The following KIAA1217 variants were observed in gnomAD, a reference collection of about 807,000 sequenced individuals.
KIAA1217 encodes sickle tail protein homolog.
In KIAA1217, 88 loss-of-function variants were observed where a neutral mutation model predicts 163.9. The observed-to-expected ratio is 0.54, with a 90% confidence interval of 0.45 to 0.64. The LOEUF is 0.64. Ranked by LOEUF, KIAA1217 falls within the 30% of genes least tolerant of loss-of-function variation. The pLI, the probability that KIAA1217 is intolerant of heterozygous loss-of-function variation, is 0.00. For missense variants in KIAA1217, 2,372 were observed against 2,475.0 expected (o/e 0.96, Z 0.88); for synonymous variants, 903 against 923.1 (o/e 0.98, Z 0.39).
intron 1 of KIAA1217, among the ~76,000 whole-genome samples, chr10:23,706,927 G>A (rs923019716): frequency 1.3e-5 from 2 of 152,160 alleles, no homozygotes; most frequent in African/African-American, 4.8e-5. Flanking sequence ...ATTCTTGGCT[G>A]CCACATGGAC....
rs571864593 is a variant in KIAA1217 at position 24,218,735 on chromosome 10, C to T, written c.71-891C>T. On this transcript the variant is annotated intron_variant, in intron 1 of 20. Coordinates refer to ENST00000376454, the MANE Select transcript of KIAA1217 (RefSeq NM_019590.5). ...CGATCTCCTGACCTCGTGATTCACC[C>T]GCCTCGGCCTCCCAAAGTGCTGGGA... Among the ~76,000 whole-genome samples, 10 of 152,188 alleles carry T rather than the reference C, an allele frequency of 6.6e-5. No homozygotes were observed. In the South Asian group the frequency reaches 1.2e-3, roughly 19 times the overall value.
At chr10:24,175,992 G>A (rs528464710) in intron 2 of KIAA1217, among the ~76,000 whole-genome samples, 2 of 152,264 alleles carry the variant, frequency 1.3e-5, no homozygotes, top group African/African-American at 2.4e-5. Flanking sequence ...CCACACTGTG[G>A]AAGGGGACCC....
chr10:23,731,280 G>A (rs7077536), intron 1 of KIAA1217, among the ~76,000 whole-genome samples: 48,647 of 152,006 alleles, frequency 0.32, 9,793 homozygotes, highest in African/African-American at 0.57. Context: ...GTTCATGAAT[G>A]TTTATAAAAG....
At chr10:24,091,011 C>T (rs866525221) in intron 2 of KIAA1217, among the ~76,000 whole-genome samples, 1 of 151,840 alleles carries the variant, frequency 6.6e-6, no homozygotes, top group African/African-American at 2.4e-5. Flanking sequence ...TAAGAAAGTA[C>T]ATTTTCTGAC....
chr10:23,941,522 T>A (rs532659462), intron 1 of KIAA1217, among the ~76,000 whole-genome samples: 5 of 152,140 alleles, frequency 3.3e-5, no homozygotes, highest in Non-Finnish European at 7.4e-5. Context: ...TAGCACTGGA[T>A]GATGAGAACT....
At chr10:24,138,390 C>T (rs138627688) in intron 2 of KIAA1217, among the ~76,000 whole-genome samples, 5 of 152,290 alleles carry the variant, frequency 3.3e-5, no homozygotes, top group Middle Eastern at 3.4e-3. Flanking sequence ...TTCAGCAATC[C>T]TCCTGTTTCA....
rs575886396 is a variant in KIAA1217, at chr10:24,107,220, CT to C, written c.-171+99852del. Among the ~76,000 whole-genome samples the C allele has an allele frequency of 6.7e-3, 1,027 of 152,276 alleles. 10 individuals carry two copies. The highest frequency in any genetic ancestry group is 0.024 in the African/African-American group (991 of 41,546). On this transcript the variant is annotated intron_variant, in intron 2 of 18. Coordinates refer to the KIAA1217 transcript ENST00000376462. ...TTGCTGCAAAGGACATTACCTCATT[CT>C]TTTTTATGGCTGCATAGTATTCCAT...
intron 2 of KIAA1217, among the ~76,000 whole-genome samples, chr10:24,034,293 T>G (rs1462265605): frequency 6.6e-6 from 1 of 152,058 alleles, no homozygotes; most frequent in Non-Finnish European, 1.5e-5. Flanking sequence ...GTGCTGTGGC[T>G]TACACCTGTA....
chr10:24,090,247 G>A (rs1211780692), intron 2 of KIAA1217, among the ~76,000 whole-genome samples: 62 of 137,688 alleles, frequency 4.5e-4, no homozygotes, highest in Admixed American at 2.3e-3. Flanking sequence ...GCTCACTGCA[G>A]CCTTGAACTC....
At chr10:24,193,091 A>C (rs947786811) in intron 2 of KIAA1217, among the ~76,000 whole-genome samples, 2 of 152,104 alleles carry the variant, frequency 1.3e-5, no homozygotes, top group African/African-American at 2.4e-5. Context: ...TAATTAAAAA[A>C]AATTTTTTTG....
Position 24,346,007 on chromosome 10 carries a change from C to T in KIAA1217, c.355-34862C>T, listed in dbSNP as rs539001613. 1.6e-4 allele frequency among the ~76,000 whole-genome samples: 25 copies of T among 152,288 alleles called. No individual in the cohort carries two copies. The East Asian group carries it at 4.4e-3, about 27-fold the overall frequency. ...CCCCTGGCAACCACCATTCTACTTT[C>T]TGTCTCTGTGAGCTTGACTATTCTA... On this transcript the variant is annotated intron_variant, in intron 2 of 20. Transcript: ENST00000376454.
At chr10:23,753,255 T>C (rs1833742908) in intron 1 of KIAA1217, among the ~76,000 whole-genome samples, 1 of 152,176 alleles carries the variant, frequency 6.6e-6, no homozygotes, top group Non-Finnish European at 1.5e-5. Context: ...CCAGCATTGC[T>C]TAAAGCTTTA....
chr10:24,023,718 A>G (rs1847829189), intron 2 of KIAA1217, among the ~76,000 whole-genome samples: 1 of 151,772 alleles, frequency 6.6e-6, no homozygotes, highest in African/African-American at 2.4e-5. Flanking sequence ...TTTAGTCATA[A>G]TACAAAATAA....
chr10:23,888,328 T>C (rs1339152364), intron 1 of KIAA1217, among the ~76,000 whole-genome samples: 2 of 151,936 alleles, frequency 1.3e-5, no homozygotes, highest in African/African-American at 4.8e-5. Context: ...AGGATAGACA[T>C]TGGTTCAAAT....
intron 2 of KIAA1217, among the ~76,000 whole-genome samples, chr10:24,225,262 A>G (rs2070359298): frequency 6.6e-6 from 1 of 152,158 alleles, no homozygotes. Flanking sequence ...AGTAGCAACT[A>G]CAGGCACACG....
chr10:24,239,436 G>T, intron 2 of KIAA1217: 3 of 336,560 alleles, frequency 8.9e-6, no homozygotes, highest in Non-Finnish European at 1.3e-5. Context: ...AGGAAGAAGT[G>T]AATCAATAAG....
chr10:24,243,320 A>G (rs1266613155), intron 2 of KIAA1217, among the ~76,000 whole-genome samples: 1 of 152,094 alleles, frequency 6.6e-6, no homozygotes, highest in African/African-American at 2.4e-5. Flanking sequence ...TTTCATGGGT[A>G]CATTGCCTAC....
chr10:23,697,876 C>CAAA (rs763181707), intron 1 of KIAA1217, among the ~76,000 whole-genome samples: 1 of 129,786 alleles, frequency 7.7e-6, no homozygotes, highest in African/African-American at 2.8e-5. Flanking sequence ...GACCCTGTCT[C>CAAA]AAAAAAAAAA....
At chr10:23,821,322 T>G (rs2131013253) in intron 1 of KIAA1217, among the ~76,000 whole-genome samples, 1 of 152,304 alleles carries the variant, frequency 6.6e-6, no homozygotes, top group East Asian at 1.9e-4. Flanking sequence ...TCCTAAGCAC[T>G]GATTTGGACA....
Sources: gnomAD v4.1 joint callset for allele counts (sites outside exome capture counted in the v4.1 genomes callset) on GRCh38, gnomAD v4.1.1 for gene constraint, MANE v1.5 for transcripts, NCBI Gene and HGNC (gene_info 2026-07-23, HGNC 2026-07-21) for gene names.